Variants in BRD4 observed in about 807,000 individuals in gnomAD.
BRD4 encodes the protein bromodomain containing 4.
BRD4 carries 16 observed loss-of-function variants against 142.1 expected under a neutral mutation model. That is an observed-to-expected ratio of 0.11 (90% CI 0.08 to 0.17). BRD4 has a LOEUF of 0.17. Among genes scored for constraint, BRD4 ranks in the 10% least tolerant of loss-of-function variants. The pLI, the probability that BRD4 is intolerant of heterozygous loss-of-function variation, is 1.00. For synonymous variants in BRD4, 833 were observed against 707.5 expected (o/e 1.18, Z -2.82); for missense variants, 1,424 against 1,810.9 (o/e 0.79, Z 3.88).
At chr19:15,329,682 T>C (rs996517613) in intron 1 of BRD4, among the ~76,000 whole-genome samples, 1 of 152,172 alleles carries the variant, frequency 6.6e-6, no homozygotes, top group Non-Finnish European at 1.5e-5. Flanking sequence ...GAGGTTGCAG[T>C]GAGCCGAGAT....
chr19:15,316,424 T>C (rs952558047), intron 1 of BRD4, among the ~76,000 whole-genome samples: 4 of 151,724 alleles, frequency 2.6e-5, no homozygotes, highest in African/African-American at 7.3e-5. Context: ...ACCCTGTCTC[T>C]AATAAAAATA....
intron 1 of BRD4, among the ~76,000 whole-genome samples, chr19:15,276,863 G>A (rs1054173951): frequency 6.6e-6 from 1 of 152,184 alleles, no homozygotes; most frequent in Non-Finnish European, 1.5e-5. Flanking sequence ...TACTGTGGAG[G>A]AGAAGGGCAG....
chr19:15,276,003 AAAAAG>A (rs896913827), intron 1 of BRD4, among the ~76,000 whole-genome samples: 11 of 152,314 alleles, frequency 7.2e-5, no homozygotes, highest in South Asian at 6.2e-4. Flanking sequence ...TCAAAAAAAG[AAAAAG>A]AAAAGAAAAG....
At chr19:15,251,155 C>T (rs1184678195) in intron 11 of BRD4, among the ~76,000 whole-genome samples, 2 of 152,102 alleles carry the variant, frequency 1.3e-5, no homozygotes, top group Admixed American at 6.5e-5. Context: ...CACCCACCCC[C>T]GCCATCCTCC....
chr19:15,319,148 C>A (rs1863566744), intron 1 of BRD4, among the ~76,000 whole-genome samples: 1 of 152,044 alleles, frequency 6.6e-6, no homozygotes, highest in South Asian at 2.1e-4. Flanking sequence ...CCAGCCTGGG[C>A]AACATAGTGT....
At chr19:15,273,724 G>C (rs2047615265) in intron 1 of BRD4, among the ~76,000 whole-genome samples, 1 of 151,898 alleles carries the variant, frequency 6.6e-6, no homozygotes, top group African/African-American at 2.4e-5. Context: ...ATATTTTCTT[G>C]GTAACTTAAA....
At chr19:15,323,987 G>A (rs2048086738) in intron 1 of BRD4, among the ~76,000 whole-genome samples, 1 of 152,196 alleles carries the variant, frequency 6.6e-6, no homozygotes. Flanking sequence ...CCATTTTACA[G>A]AAGAGAAAAC....
rs545591722 is a variant in BRD4, at chr19:15,252,156, TC to T, written c.2158+1995del. On this transcript the variant is annotated intron_variant, in intron 11 of 19. Coordinates refer to ENST00000679869, the MANE Select transcript of BRD4 (RefSeq NM_001379291.1). ...AGGAAACCAGGAGCATTCCCACTCC[TC>T]TCCCAAAGCAGAGGAGCCCAGAAGA... is the stretch of plus-strand genomic sequence containing the variant. Among the ~76,000 whole-genome samples the T allele has an allele frequency of 3.2e-4, 49 of 151,928 alleles. No individual in the cohort carries two copies. In the South Asian group the frequency reaches 0.01, roughly 31 times the overall value.
intron 1 of BRD4, among the ~76,000 whole-genome samples, chr19:15,310,657 C>A (rs896238104): frequency 3.3e-5 from 5 of 151,778 alleles, no homozygotes; most frequent in African/African-American, 1.2e-4. Flanking sequence ...CCGCGCCTGG[C>A]CAATTTTTAT....
intron 11 of BRD4, among the ~76,000 whole-genome samples, chr19:15,250,057 G>A (rs943668898): frequency 3.3e-5 from 5 of 152,152 alleles, no homozygotes; most frequent in East Asian, 3.9e-4. Flanking sequence ...GTAGCAGAGC[G>A]GATGCCTCTG....
chr19:15,276,489 G>C (rs998217535), intron 1 of BRD4, among the ~76,000 whole-genome samples: 6 of 151,866 alleles, frequency 4.0e-5, no homozygotes. Flanking sequence ...TGCAGACATA[G>C]GCTCACAGAC....
At position 15,272,789 on chromosome 19, in the gene BRD4, C is replaced by T. The variant is rs2047602861; in HGVS notation, c.285+26G>A. On this transcript the variant is annotated intron_variant, in intron 2 of 19. Transcript: ENST00000679869. ...CAGGAGACGACCTCCAGGACGGCCA[C>T]CCTGGGCCCTGCCCACACTACTCAC... The T allele has an allele frequency of 2.5e-6, 4 of 1,601,990 alleles. No individual in the cohort carries two copies. In the South Asian group the frequency reaches 3.3e-5, roughly 13 times the overall value.
intron 1 of BRD4, among the ~76,000 whole-genome samples, chr19:15,310,284 G>A (rs1167486507): frequency 8.2e-6 from 1 of 121,610 alleles, no homozygotes; most frequent in African/African-American, 3.1e-5. Flanking sequence ...CGTGATCTCA[G>A]CTCACTGCAA....
At position 15,244,436 on chromosome 19, in the gene BRD4, C is replaced by T. The variant is rs747727511; in HGVS notation, c.2376G>A (p.Ala792=). The T allele has an allele frequency of 3.5e-6, 5 of 1,439,540 alleles. No homozygotes were observed. The highest frequency in any genetic ancestry group is 6.0e-5 in the East Asian group (2 of 33,240). 89.2% of individuals were successfully genotyped at this position (1,439,540 alleles called of 1,614,324 possible). Residue 792 remains alanine, a synonymous_variant, in exon 13 of 20, where the codon GCG becomes GCA. Coordinates refer to ENST00000679869, the MANE Select transcript of BRD4 (RefSeq NM_001379291.1). The part of the protein sequence containing the change: ...PPSMPQQAAP[A]MKSSPPPFIA... The stretch of plus-strand genomic sequence containing the variant: ...TGAAGGGTGGGGGCGAGGACTTCAT[C>T]GCCGGGGCTGCCTGCTGCGGCATGG...
intron 1 of BRD4, among the ~76,000 whole-genome samples, chr19:15,289,032 C>T (rs1265878684): frequency 6.6e-6 from 1 of 152,174 alleles, no homozygotes; most frequent in Non-Finnish European, 1.5e-5. Context: ...GGAAAGCAAA[C>T]TACAGAACCA....
At chr19:15,299,365 C>A (rs1036462508) in intron 1 of BRD4, among the ~76,000 whole-genome samples, 2 of 152,080 alleles carry the variant, frequency 1.3e-5, no homozygotes, top group Non-Finnish European at 2.9e-5. Flanking sequence ...GCTCATATAC[C>A]CATCAAAGTC....
At chr19:15,240,075 C>G in intron 14 of BRD4, 53 bp from the exon 15 acceptor site, 1 of 1,551,656 alleles carries the variant, frequency 6.4e-7, no homozygotes, top group Non-Finnish European at 8.7e-7. Context: ...ACTGCTGGCC[C>G]TGAGAGAATT....
intron 11 of BRD4, among the ~76,000 whole-genome samples, chr19:15,245,773 A>G (rs1218242861): frequency 1.3e-5 from 2 of 152,150 alleles, no homozygotes; most frequent in South Asian, 2.1e-4. Flanking sequence ...GGCCCATGGT[A>G]TGGCGCCTTT....
rs2047420147 is a variant in BRD4 at position 15,257,182 on chromosome 19, G to A, written c.1342-9C>T. ...CGCATTTCGAACACATCCTGGTGAGGGAAAGACATGCTGTGACGGCTGCTG... is the reference window on the plus strand; with the variant it reads ...CGCATTTCGAACACATCCTGGTGAGAGAAAGACATGCTGTGACGGCTGCTG... On this transcript the variant is annotated splice_polypyrimidine_tract_variant and intron_variant, in intron 7 of 19. Coordinates refer to ENST00000679869, the MANE Select transcript of BRD4 (RefSeq NM_001379291.1). 1 of 1,596,276 alleles carries A rather than the reference G, an allele frequency of 6.3e-7. No homozygotes were observed. The highest frequency in any genetic ancestry group is 8.5e-7 in the Non-Finnish European group (1 of 1,173,016).
Sources: gnomAD v4.1 joint callset for allele counts (sites outside exome capture counted in the v4.1 genomes callset) on GRCh38, gnomAD v4.1.1 for gene constraint, MANE v1.5 for transcripts, NCBI Gene and HGNC (gene_info 2026-07-23, HGNC 2026-07-21) for gene names.